SPOCK3: variants seen among roughly 807,000 people sequenced by gnomAD.
The protein encoded by SPOCK3 is testican-3.
A neutral mutation model predicts 56.6 loss-of-function variants in SPOCK3; 30 were observed. That is an observed-to-expected ratio of 0.53 (90% CI 0.40 to 0.72). The LOEUF (loss-of-function observed/expected upper bound fraction) is 0.72. SPOCK3 is among the 30% of genes least tolerant of loss of function. The probability of loss-of-function intolerance (pLI) is 0.00; values close to 1 mark genes in which losing one functional copy is unlikely to be tolerated. For synonymous variants in SPOCK3, 196 were observed against 183.3 expected (o/e 1.07, Z -0.56); for missense variants, 527 against 530.0 (o/e 0.99, Z 0.06).
chr4:166,810,532 T>A (rs146376811), intron 6 of SPOCK3, among the ~76,000 whole-genome samples: 1 of 152,030 alleles, frequency 6.6e-6, no homozygotes, highest in African/African-American at 2.4e-5. Flanking sequence ...TCATCATCAA[T>A]GGGTATTGAA....
At chr4:167,019,998 C>G (rs190993743) in intron 3 of SPOCK3, among the ~76,000 whole-genome samples, 1 of 152,062 alleles carries the variant, frequency 6.6e-6, no homozygotes, top group Admixed American at 6.6e-5. Context: ...GACTGGAGCA[C>G]AAGCCCCCCT....
intron 2 of SPOCK3, among the ~76,000 whole-genome samples, chr4:167,221,983 A>G (rs1436072481): frequency 6.6e-6 from 1 of 152,198 alleles, no homozygotes; most frequent in Non-Finnish European, 1.5e-5. Context: ...TGAAAGCAGG[A>G]TCTTGAAGAA....
At chr4:166,763,123 G>A (rs919548482) in intron 7 of SPOCK3, among the ~76,000 whole-genome samples, 6 of 142,172 alleles carry the variant, frequency 4.2e-5, no homozygotes, top group Non-Finnish European at 9.3e-5. Flanking sequence ...GTGAAAGCCA[G>A]CATCAAAAAG....
chr4:167,106,440 GATAATTAAAACACA>G (rs1447756690), intron 2 of SPOCK3, among the ~76,000 whole-genome samples: 1 of 151,692 alleles, frequency 6.6e-6, no homozygotes, highest in Admixed American at 6.6e-5. Flanking sequence ...TGAAACAAAT[GATAATTAAAACACA>G]ATATGCCAAA....
At chr4:167,053,300 G>A (rs572338427) in intron 3 of SPOCK3, among the ~76,000 whole-genome samples, 6 of 152,016 alleles carry the variant, frequency 3.9e-5, no homozygotes, top group Admixed American at 1.3e-4. Flanking sequence ...TTTAGCTGCC[G>A]TGTATCTGTC....
intron 3 of SPOCK3, among the ~76,000 whole-genome samples, chr4:167,056,481 C>T (rs1348796702): frequency 6.6e-6 from 1 of 152,130 alleles, no homozygotes; most frequent in Non-Finnish European, 1.5e-5. Context: ...GACGATCAAA[C>T]TACTCTGAGC....
intron 2 of SPOCK3, among the ~76,000 whole-genome samples, chr4:167,188,925 T>A (rs1732245988): frequency 1.4e-5 from 2 of 146,504 alleles, no homozygotes; most frequent in Non-Finnish European, 3.0e-5. Context: ...TAGCCCTAGA[T>A]ATATTAAAGA....
At chr4:167,019,042 T>C (rs1016209581) in intron 3 of SPOCK3, among the ~76,000 whole-genome samples, 1 of 152,072 alleles carries the variant, frequency 6.6e-6, no homozygotes, top group Admixed American at 6.6e-5. Flanking sequence ...CTGTTTCCCT[T>C]TCCCAAGAGG....
chr4:166,959,696 TC>T (rs1743922290), intron 4 of SPOCK3, among the ~76,000 whole-genome samples: 2 of 152,048 alleles, frequency 1.3e-5, no homozygotes, highest in African/African-American at 4.8e-5. Flanking sequence ...TGAAATACTA[TC>T]TTTACTTAAT....
Position 167,160,801 on chromosome 4 carries a change from A to C in SPOCK3, c.189+73184T>G, listed in dbSNP as rs558665886. On this transcript the variant is annotated intron_variant, in intron 2 of 10. Coordinates refer to ENST00000357545, the MANE Select transcript of SPOCK3 (RefSeq NM_001040159.2). ...AACAAGAAATGGGAAAGGACTCCCT[A>C]TTTAATAAATGGTGCTGGGCAAACT... 1.4e-4 allele frequency among the ~76,000 whole-genome samples: 22 copies of C among 152,302 alleles called. 1 individual carries two copies. In the South Asian group the frequency reaches 4.6e-3, roughly 32 times the overall value.
chr4:167,205,357 TATATTATATATTTTATATATATAA>T lies in SPOCK3; in HGVS notation c.189+28604_189+28627del, dbSNP rs1211175202. 2.5e-4 allele frequency among the ~76,000 whole-genome samples: 10 copies of T among 40,050 alleles called. 1 individual carries two copies. The highest frequency in any genetic ancestry group is 1.2e-3 in the African/African-American group (9 of 7,242). 26.3% of individuals were successfully genotyped at this position (40,050 alleles called of 152,430 possible). ...TATTATATATTATATATATAATATA[TATATTATATATTTTATATATATAA>T]TATATATATTTTATATATAATATAT... On this transcript the variant is annotated intron_variant, in intron 2 of 10. Transcript: ENST00000357545.
intron 4 of SPOCK3, among the ~76,000 whole-genome samples, chr4:166,928,741 C>T (rs1252454024): frequency 2.6e-5 from 4 of 152,068 alleles, no homozygotes; most frequent in African/African-American, 4.8e-5. Flanking sequence ...GAGGCCTAGG[C>T]GGGCGGATCG....
intron 2 of SPOCK3, among the ~76,000 whole-genome samples, chr4:167,138,008 A>G (rs1207544730): frequency 6.6e-6 from 1 of 151,798 alleles, no homozygotes; most frequent in East Asian, 1.9e-4. Flanking sequence ...AACATTTTAA[A>G]TAATCTTAAA....
rs140957483 is a variant in SPOCK3, at chr4:166,913,778, GTCTC to G, written c.351-1039_351-1036del. Among the ~76,000 whole-genome samples the G allele has an allele frequency of 3.0e-3, 448 of 149,506 alleles. 4 individuals are homozygous for G. The highest frequency in any genetic ancestry group is 9.6e-3 in the African/African-American group (391 of 40,802). ...GGGCATTACACATAGATTATTTTCTGTCTCTCTCTCTCTCTCTCTCAAAGATTTT... is the reference window on the plus strand; with the variant it reads ...GGGCATTACACATAGATTATTTTCTGTCTCTCTCTCTCTCTCAAAGATTTT... On this transcript the variant is annotated intron_variant, in intron 4 of 10. Transcript: ENST00000357545.
chr4:166,967,010 C>T (rs1422324546), intron 4 of SPOCK3, among the ~76,000 whole-genome samples: 1 of 152,138 alleles, frequency 6.6e-6, no homozygotes, highest in Non-Finnish European at 1.5e-5. Context: ...GAATTCACAG[C>T]TCCCTAGGAG....
intron 2 of SPOCK3, among the ~76,000 whole-genome samples, chr4:167,072,989 T>A (rs1382002110): frequency 6.6e-6 from 1 of 151,840 alleles, no homozygotes; most frequent in African/African-American, 2.4e-5. Flanking sequence ...CTTTAGATAT[T>A]GTTTACTGCT....
chr4:166,768,114 C>T (rs368637270), intron 7 of SPOCK3, among the ~76,000 whole-genome samples: 2 of 152,188 alleles, frequency 1.3e-5, no homozygotes, highest in East Asian at 1.9e-4. Context: ...CTGAATACAG[C>T]ACACTGATGG....
intron 4 of SPOCK3, among the ~76,000 whole-genome samples, chr4:166,929,781 C>T (rs1257094815): frequency 6.6e-6 from 1 of 152,064 alleles, no homozygotes; most frequent in Non-Finnish European, 1.5e-5. Flanking sequence ...TAGCCTTTCC[C>T]CACACCCTAC....
chr4:166,872,861 G>T (rs1343590183), intron 6 of SPOCK3, among the ~76,000 whole-genome samples: 2 of 152,120 alleles, frequency 1.3e-5, no homozygotes, highest in Non-Finnish European at 1.5e-5. Context: ...TCTGGTGAGG[G>T]TCTTATGCTG....
Sources: gnomAD v4.1 joint callset for allele counts (sites outside exome capture counted in the v4.1 genomes callset) on GRCh38, gnomAD v4.1.1 for gene constraint, MANE v1.5 for transcripts, NCBI Gene and HGNC (gene_info 2026-07-23, HGNC 2026-07-21) for gene names.